The following PSIP1 variants were observed in gnomAD, a reference collection of about 807,000 sequenced individuals.
PSIP1 encodes PC4 and SRSF1 interacting protein 1, also known as PC4 and SFRS1-interacting protein.
PSIP1 carries 19 observed loss-of-function variants against 74.7 expected under a neutral mutation model. That is an observed-to-expected ratio of 0.25 (90% CI 0.18 to 0.37). The LOEUF is 0.37. Ranked by LOEUF, PSIP1 falls within the 10% of genes least tolerant of loss-of-function variation. The pLI is 1.00. For missense variants in PSIP1, 601 were observed against 614.3 expected (o/e 0.98, Z 0.23); for synonymous variants, 222 against 195.3 (o/e 1.14, Z -1.14).
intron 8 of PSIP1, 103 bp downstream of exon 8, chr9:15,478,372 AAC>A: frequency 1.1e-6 from 1 of 942,322 alleles, no homozygotes; most frequent in Admixed American, 2.4e-5. Context: ...TCAAAATAAT[AAC>A]AAACATCCTG....
chr9:15,508,858 A>T (rs948253305), intron 2 of PSIP1, among the ~76,000 whole-genome samples: 1 of 152,260 alleles, frequency 6.6e-6, no homozygotes, highest in Admixed American at 6.5e-5. Context: ...TTAAAACAAA[A>T]GATTATCACG....
Position 15,478,334 on chromosome 9 carries a change from C to G in PSIP1, c.629+143G>C, listed in dbSNP as rs554437543. ...CCAATTTTTACTTTACAAAATTTTC[C>G]CAGTTTTTCCTGTAATTTTAAGAAA... On this transcript the variant is annotated intron_variant, in intron 8 of 15. Coordinates refer to ENST00000380733, the MANE Select transcript of PSIP1 (RefSeq NM_033222.5). 8.0e-5 allele frequency: 54 copies of G among 675,690 alleles called. 3 individuals are homozygous for G. Among genetic ancestry groups the G allele is most frequent in the African/African-American group, 3.8e-4 (21 of 54,754 alleles). 41.9% of individuals were successfully genotyped at this position (675,690 alleles called of 1,614,324 possible).
intron 3 of PSIP1, chr9:15,492,163 T>C (rs2036860579): frequency 6.6e-6 from 1 of 152,154 alleles, no homozygotes; most frequent in Admixed American, 6.5e-5. Context: ...ATTCCAGCAT[T>C]AACTCAAAAG....
At chr9:15,501,249 T>C (rs2037330471) in intron 3 of PSIP1, among the ~76,000 whole-genome samples, 1 of 152,040 alleles carries the variant, frequency 6.6e-6, no homozygotes, top group African/African-American at 2.4e-5. Context: ...AATCAACAAA[T>C]GACTTTATCT....
intron 10 of PSIP1, among the ~76,000 whole-genome samples, chr9:15,470,245 T>A (rs1390044252): frequency 1.3e-5 from 2 of 152,128 alleles, no homozygotes; most frequent in African/African-American, 4.8e-5. Flanking sequence ...AGAAGAGCAA[T>A]TTCAGGGTCA....
At chr9:15,500,438 T>G (rs1469694945) in intron 3 of PSIP1, among the ~76,000 whole-genome samples, 1 of 151,392 alleles carries the variant, frequency 6.6e-6, no homozygotes, top group Non-Finnish European at 1.5e-5. Context: ...GCCACTGCAC[T>G]CCAGCCTGGG....
intron 6 of PSIP1, among the ~76,000 whole-genome samples, chr9:15,482,777 T>C (rs1200006721): frequency 6.6e-6 from 1 of 152,212 alleles, no homozygotes; most frequent in African/African-American, 2.4e-5. Flanking sequence ...CACATTCTCC[T>C]TGCCTTCAAA....
intron 8 of PSIP1, among the ~76,000 whole-genome samples, chr9:15,477,029 G>A (rs532256351): frequency 1.2e-4 from 19 of 152,236 alleles, no homozygotes; most frequent in African/African-American, 3.1e-4. Context: ...AGCATACTCC[G>A]GGGGAAAACT....
At chr9:15,493,821 T>TAC (rs2036948576) in intron 3 of PSIP1, among the ~76,000 whole-genome samples, 1 of 152,208 alleles carries the variant, frequency 6.6e-6, no homozygotes, top group Non-Finnish European at 1.5e-5. Context: ...CAATTACCTC[T>TAC]ACCTGGTCCT....
At chr9:15,497,487 T>C (rs2037136748) in intron 3 of PSIP1, among the ~76,000 whole-genome samples, 1 of 152,022 alleles carries the variant, frequency 6.6e-6, no homozygotes, top group African/African-American at 2.4e-5. Flanking sequence ...CAACCACGCC[T>C]GGCTACTTTT....
At chr9:15,473,019 A>G (rs1324392136) in intron 9 of PSIP1, among the ~76,000 whole-genome samples, 1 of 152,168 alleles carries the variant, frequency 6.6e-6, no homozygotes, top group African/African-American at 2.4e-5. Context: ...TTGCCTCTCT[A>G]CAGAGTGATT....
At chr9:15,494,565 CAAAAAAAAAAAAAAA>C (rs57170853) in intron 3 of PSIP1, among the ~76,000 whole-genome samples, 7 of 37,558 alleles carry the variant, frequency 1.9e-4, no homozygotes, top group African/African-American at 6.4e-4. Flanking sequence ...AACTGCATCT[CAAAAAAAAAAAAAAA>C]AAAAAAAAAA....
At chr9:15,469,601 A>G (rs1336903660) in intron 11 of PSIP1, among the ~76,000 whole-genome samples, 1 of 152,124 alleles carries the variant, frequency 6.6e-6, no homozygotes, top group Non-Finnish European at 1.5e-5. Context: ...TCTGCATATG[A>G]TAACTCCTCT....
intron 3 of PSIP1, among the ~76,000 whole-genome samples, chr9:15,504,285 AC>A (rs1229162336): frequency 1.3e-5 from 2 of 152,162 alleles, no homozygotes; most frequent in Non-Finnish European, 2.9e-5. Flanking sequence ...CTATCTAATT[AC>A]CTATTAACCA....
chr9:15,470,040 C>G (rs2035762308), intron 10 of PSIP1, 47 bp from the exon 11 acceptor site: 2 of 1,458,414 alleles, frequency 1.4e-6, no homozygotes, highest in African/African-American at 1.4e-5. Context: ...AATTTTGTGA[C>G]TAAATGCCCA....
At chr9:15,471,926 C>G in intron 10 of PSIP1, 3 of 981,084 alleles carry the variant, frequency 3.1e-6, no homozygotes, top group Non-Finnish European at 3.6e-6. Flanking sequence ...AAAAGCATGT[C>G]AGAGAAAGAA....
At chr9:15,465,861 A>G (rs1223147511) in intron 15 of PSIP1, 1 of 328,864 alleles carries the variant, frequency 3.0e-6, no homozygotes, top group Non-Finnish European at 5.5e-6. Flanking sequence ...TTTCTAGCAT[A>G]AAAGTGAATT....
chr9:15,468,903 T>C, intron 13 of PSIP1, 54 bp downstream of exon 13: 2 of 1,603,578 alleles, frequency 1.2e-6, no homozygotes, highest in Non-Finnish European at 1.7e-6. Flanking sequence ...TAAACAATTT[T>C]TAAATGAAGT....
chr9:15,488,366 G>C (rs976897336), intron 4 of PSIP1, among the ~76,000 whole-genome samples: 1 of 152,008 alleles, frequency 6.6e-6, no homozygotes, highest in Non-Finnish European at 1.5e-5. Flanking sequence ...AAAAGCTGCA[G>C]AATTTCCACT....
Sources: gnomAD v4.1 joint callset for allele counts (sites outside exome capture counted in the v4.1 genomes callset) on GRCh38, gnomAD v4.1.1 for gene constraint, MANE v1.5 for transcripts, NCBI Gene and HGNC (gene_info 2026-07-23, HGNC 2026-07-21) for gene names.